The following YBX2 variants were observed in gnomAD, a reference collection of about 807,000 sequenced individuals.
YBX2 encodes Y-box binding protein 2.
Under a neutral mutation model 44.4 loss-of-function variants are expected in YBX2, and 5 were observed. The observed-to-expected ratio is 0.11, with a 90% confidence interval of 0.06 to 0.24. YBX2 has a LOEUF of 0.24. YBX2 is among the 10% of genes least tolerant of loss of function. YBX2 has a pLI of 1.00. For synonymous variants in YBX2, 188 were observed against 216.1 expected (o/e 0.87, Z 1.14); for missense variants, 417 against 526.9 (o/e 0.79, Z 2.04).
At position 7,294,057 on chromosome 17, in the gene YBX2, G is replaced by C. The variant is rs1017129158; in HGVS notation, c.271+173C>G. 9 of 736,232 alleles carry C rather than the reference G, an allele frequency of 1.2e-5. No homozygotes were observed. The highest frequency in any genetic ancestry group is 4.1e-5 in the Admixed American group (1 of 24,414). 45.6% of individuals were successfully genotyped at this position (736,232 alleles called of 1,614,324 possible). A position where few individuals can be genotyped will look rare whatever the true frequency, so the allele number is the denominator to read the frequency against. On this transcript the variant is annotated intron_variant, in intron 1 of 8. Transcript: ENST00000007699. This position sits in a 1 kb window ranked among gnomAD's most constrained non-coding sequence, Gnocchi z 4.6. ...CCCGCCCTCTCTCCCAGGAAGGTAC[G>C]GCAGGATTTCCCACCAGGGGAATCC...
intron 8 of YBX2, 49 bp downstream of exon 8, chr17:7,288,700 C>A: frequency 6.7e-7 from 1 of 1,495,106 alleles, no homozygotes. Context: ...TCATCGCCAC[C>A]CAGTACCTCA....
In YBX2 at chr17:7,288,806, G is replaced by C; in HGVS notation, c.1077C>G (p.Thr359=). Residue 359 remains threonine (T), a synonymous_variant, in exon 8 of 9, where the codon ACC becomes ACG. Coordinates refer to ENST00000007699, the MANE Select transcript of YBX2 (RefSeq NM_015982.4). The part of the protein sequence containing the change: ...TSAPVNSGDP[T]TTILE Reference sequence around the variant, plus strand: ...GTTGGAATCACTCCAGGATGGTGGTGGTGGGGTCCCCACTGTTGACAGGGG... The same window carrying C: ...GTTGGAATCACTCCAGGATGGTGGTCGTGGGGTCCCCACTGTTGACAGGGG... 1 of 1,614,050 alleles carries C rather than the reference G, an allele frequency of 6.2e-7. No individual in the cohort carries two copies. Among genetic ancestry groups the C allele is most frequent in the Non-Finnish European group, 8.5e-7 (1 of 1,179,946 alleles).
Position 7,290,298 on chromosome 17 carries a change from G to A in YBX2, c.697C>T (p.Arg233Trp), listed in dbSNP as rs1269226333. ...WCPPPFFYRR[R>W]FVRGPRPPNQ... ...GGAGGCCGGGGGCCTCGCACAAACC[G>A]CCGTCGGTAGAAGAAGGGTGGGGGG... The change falls in exon 5 of 9, where the codon CGG becomes TGG. Residue 233 changes from arginine (R) to tryptophan (W), a missense_variant. Around this residue, in one of 3 missense-constraint regions of YBX2, gnomAD observed 257 missense variants for 261.7 expected, o/e 0.98. Coordinates refer to ENST00000007699, the MANE Select transcript of YBX2 (RefSeq NM_015982.4). The A allele has an allele frequency of 7.4e-6, 12 of 1,613,564 alleles. No individual in the cohort carries two copies. Among genetic ancestry groups the A allele is most frequent in the African/African-American group, 1.3e-5 (1 of 74,952 alleles).
Position 7,291,867 on chromosome 17 carries a change from C to CA in YBX2, c.369+158dup, listed in dbSNP as rs2072503826. ...TTCTGACGGACGTTTAGTAACCCAG[C>CA]ACAAGTGCGGCTAATGGTGGTTGAC... On this transcript the variant is annotated intron_variant, in intron 3 of 8. Transcript: ENST00000007699. The surrounding 1 kb of genome is among the most constrained non-coding windows in gnomAD (Gnocchi z 5.8). The CA allele has an allele frequency of 3.4e-6, 3 of 882,162 alleles. No homozygotes were observed. The highest frequency in any genetic ancestry group is 5.5e-6 in the Non-Finnish European group (3 of 543,046). 54.6% of individuals were successfully genotyped at this position (882,162 alleles called of 1,614,324 possible).
chr17:7,294,277 C>A lies in YBX2; in HGVS notation c.224G>T (p.Gly75Val). ...ACTCCGGGCCGGGGGGGCGGGGGTT[C>A]CCGAGACCGCCGTCGCCGGATTGCC... ...TPGNPATAVS[G>V]TPAPPARSQA... The change falls in exon 1 of 9, where the codon GGA becomes GTA. Residue 75 changes from glycine (G) to valine (V), a missense_variant. By Grantham distance (109) the Gly-to-Val change is moderately radical (BLOSUM62 -3). Coordinates refer to ENST00000007699, the MANE Select transcript of YBX2 (RefSeq NM_015982.4). The surrounding 1 kb of genome is among the most constrained non-coding windows in gnomAD (Gnocchi z 4.6). The A allele has an allele frequency of 1.6e-6, 2 of 1,276,128 alleles. No individual in the cohort carries two copies. Among genetic ancestry groups the A allele is most frequent in the Non-Finnish European group, 2.0e-6 (2 of 1,017,744 alleles). The allele number at this position is 1,276,128 out of a possible 1,614,324, so 79.1% of individuals were successfully genotyped here.
chr17:7,288,522 C>G lies in YBX2; in HGVS notation c.*161G>C. On this transcript the variant is annotated 3_prime_UTR_variant, in exon 9 of 9. Coordinates refer to ENST00000007699, the MANE Select transcript of YBX2 (RefSeq NM_015982.4). The stretch of plus-strand genomic sequence containing the variant: ...AAAAAGAAAAAGCAAAAGGCTGCTG[C>G]TTTGGTCCTCCTGAGTCTCAAGGAA... 1 of 459,724 alleles carries G rather than the reference C, an allele frequency of 2.2e-6. No homozygotes were observed. Among genetic ancestry groups the G allele is most frequent in the Non-Finnish European group, 4.0e-6 (1 of 250,306 alleles). 28.5% of individuals were successfully genotyped at this position (459,724 alleles called of 1,614,324 possible).
Position 7,294,309 on chromosome 17 carries a change from G to A in YBX2, c.192C>T (p.Arg64=), listed in dbSNP as rs889853074. The A allele has an allele frequency of 2.8e-5, 36 of 1,280,620 alleles. No individual in the cohort carries two copies. Among genetic ancestry groups the A allele is most frequent in the Admixed American group, 8.4e-5 (2 of 23,758 alleles). The allele number at this position is 1,280,620 out of a possible 1,614,324, so 79.3% of individuals were successfully genotyped here. Residue 64 remains arginine (R), a synonymous_variant, in exon 1 of 9, where the codon CGC becomes CGT. Coordinates refer to ENST00000007699, the MANE Select transcript of YBX2 (RefSeq NM_015982.4). This position sits in a 1 kb window ranked among gnomAD's most constrained non-coding sequence, Gnocchi z 4.6. Reference sequence around the variant, plus strand: ...CCGCCGTCGCCGGATTGCCAGGGGTGCGGGAGCCCGGCGCCGAGGGGGTCC... The same window carrying A: ...CCGCCGTCGCCGGATTGCCAGGGGTACGGGAGCCCGGCGCCGAGGGGGTCC... ...AAGTPSAPGS[R]TPGNPATAVS...
intron 2 of YBX2, chr17:7,292,346 G>A: frequency 2.3e-6 from 1 of 442,798 alleles, no homozygotes; most frequent in Non-Finnish European, 4.2e-6. Context: ...CTCTGCCCCT[G>A]CCGGGACTCC....
chr17:7,291,352 C>G lies in YBX2; in HGVS notation c.370-170G>C. ...TTTAGCAGGGGAAAAGTCCTGAACTCAGGGCCTCAGCAGATTGTGCAGTTA... is the reference window on the plus strand; with the variant it reads ...TTTAGCAGGGGAAAAGTCCTGAACTGAGGGCCTCAGCAGATTGTGCAGTTA... On this transcript the variant is annotated intron_variant, in intron 3 of 8. Transcript: ENST00000007699. This position sits in a 1 kb window ranked among gnomAD's most constrained non-coding sequence, Gnocchi z 5.8. The G allele has an allele frequency of 7.3e-6, 5 of 682,850 alleles. No individual in the cohort carries two copies. In the East Asian group the frequency reaches 1.4e-4, roughly 19 times the overall value. 42.3% of individuals were successfully genotyped at this position (682,850 alleles called of 1,614,324 possible).
chr17:7,290,417 G>C lies in YBX2; in HGVS notation c.578C>G (p.Pro193Arg). 2 of 1,614,118 alleles carry C rather than the reference G, an allele frequency of 1.2e-6. No homozygotes were observed. The highest frequency in any genetic ancestry group is 1.7e-6 in the Non-Finnish European group (2 of 1,180,026). The change falls in exon 5 of 9, where the codon CCA becomes CGA. Residue 193 changes from proline (P) to arginine (R), a missense_variant. By Grantham distance (103) the Pro-to-Arg change is moderately radical. Around this residue, in one of 3 missense-constraint regions of YBX2, gnomAD observed 257 missense variants for 261.7 expected, o/e 0.98. Coordinates refer to ENST00000007699, the MANE Select transcript of YBX2 (RefSeq NM_015982.4). Reference sequence around the variant, plus strand: ...CGAGGGGATCTCTGCCACCATGGGTGGTGGGGCAACTGAGGGAGGCCGGGG... The same window carrying C: ...CGAGGGGATCTCTGCCACCATGGGTCGTGGGGCAACTGAGGGAGGCCGGGG... ...FIPRPPSVAP[P>R]PMVAEIPSAG... is the part of the protein sequence containing the mutation.
At chr17:7,290,710 G>C in intron 4 of YBX2, 175 bp from the exon 5 acceptor site, 2 of 771,600 alleles carry the variant, frequency 2.6e-6, no homozygotes, top group East Asian at 2.7e-5. Flanking sequence ...ATTTGGGAAG[G>C]AGCAACATGT....
rs1330761550 is a variant in YBX2, at chr17:7,294,484, G to A, written c.17C>T (p.Ala6Val). 6.8e-7 allele frequency: 1 copy of A among 1,470,962 alleles called. No homozygotes were observed. Among genetic ancestry groups the A allele is most frequent in the Non-Finnish European group, 9.0e-7 (1 of 1,113,562 alleles). The allele number at this position is 1,470,962 out of a possible 1,614,324, so 91.1% of individuals were successfully genotyped here. The part of the protein sequence containing the change: MSEVE[A>V]AAGATAVPAA... Reference sequence around the variant, plus strand: ...GGGGACCGCTGTAGCCCCCGCTGCCGCCTCCACCTCGCTCATCCCGCCGGG... The same window carrying A: ...GGGGACCGCTGTAGCCCCCGCTGCCACCTCCACCTCGCTCATCCCGCCGGG... Residue 6 changes from alanine to valine, a missense_variant, in exon 1 of 9, where the codon GCG (alanine) becomes GTG (valine). Around this residue, in one of 3 missense-constraint regions of YBX2, gnomAD observed 121 missense variants for 141.3 expected, o/e 0.86. Transcript: ENST00000007699. The surrounding 1 kb of genome is among the most constrained non-coding windows in gnomAD (Gnocchi z 4.6).
chr17:7,288,898 C>CAG lies in YBX2; in HGVS notation c.1045-61_1045-60insCT. On this transcript the variant is annotated intron_variant, in intron 7 of 8. Transcript: ENST00000007699. ...TTTTTGTTTTTGAGACAGAGTCTCACTCCAGGTTGGATGGAGTACAGTGGC... is the reference window on the plus strand; with the variant it reads ...TTTTTGTTTTTGAGACAGAGTCTCACAGTCCAGGTTGGATGGAGTACAGTGGC... 1.9e-6 allele frequency: 3 copies of CAG among 1,597,314 alleles called. No individual in the cohort carries two copies. The South Asian group carries it at 3.3e-5, about 18-fold the overall frequency.
chr17:7,290,609 C>T, intron 4 of YBX2, 74 bp from the exon 5 acceptor site: 2 of 1,536,980 alleles, frequency 1.3e-6, no homozygotes, highest in Non-Finnish European at 1.8e-6. Context: ...GCTTCCCCTT[C>T]TTTCAGGGGA....
chr17:7,289,984 GGAATCT>G lies in YBX2; in HGVS notation c.826_831del (p.Phe277_Arg278del). Reference sequence around the variant, plus strand: ...GGGTCTTACCTTCGGTACCTGGGCCGGAATCTGGGCGGGGGGACTCGCTCATCTCCC... The same window carrying G: ...GGGTCTTACCTTCGGTACCTGGGCCGGGGCGGGGGGACTCGCTCATCTCCC... On this transcript the variant is annotated inframe_deletion, in exon 6 of 9. Transcript: ENST00000007699. 1 of 1,614,240 alleles carries G rather than the reference GGAATCT, an allele frequency of 6.2e-7. No individual in the cohort carries two copies. The highest frequency in any genetic ancestry group is 1.1e-5 in the South Asian group (1 of 91,086).
chr17:7,288,706 C>T lies in YBX2; in HGVS notation c.*39+43G>A, dbSNP rs180915454. On this transcript the variant is annotated intron_variant, in intron 8 of 8. Transcript: ENST00000007699. ...AGCGACTTGTCATCGCCACCCAGTA[C>T]CTCACCTTCCTGGCCACCCACCCAA... The T allele has an allele frequency of 5.2e-3, 7,996 of 1,534,714 alleles. 40 individuals are homozygous for T. The highest frequency in any genetic ancestry group is 0.029 in the Middle Eastern group (173 of 5,908).
intron 1 of YBX2, chr17:7,293,862 G>A: frequency 1.9e-6 from 1 of 530,392 alleles, no homozygotes. Context: ...GGTCATAACT[G>A]AGGGTTTTTC....
intron 2 of YBX2, chr17:7,293,269 T>A (rs546668434): frequency 2.6e-5 from 22 of 839,466 alleles, no homozygotes; most frequent in Middle Eastern, 2.5e-4. Context: ...GAATCATTAA[T>A]CCTCCGCTAC....
At position 7,291,524 on chromosome 17, in the gene YBX2, C is replaced by A. The variant is rs1402694263; in HGVS notation, c.370-342G>T. On this transcript the variant is annotated intron_variant, in intron 3 of 8. Transcript: ENST00000007699. This position sits in a 1 kb window ranked among gnomAD's most constrained non-coding sequence, Gnocchi z 5.8. ...CGCAAAGTGGGTAGAATGCACTGTG[C>A]TTCTTACCTCAGTCCCAGTGAGAGC... 2.4e-6 allele frequency: 1 copy of A among 410,562 alleles called. No homozygotes were observed. The highest frequency in any genetic ancestry group is 4.6e-6 in the Non-Finnish European group (1 of 217,864). 25.4% of individuals were successfully genotyped at this position (410,562 alleles called of 1,614,324 possible). A position where few individuals can be genotyped will look rare whatever the true frequency, so the allele number is the denominator to read the frequency against.
Sources: gnomAD v4.1 joint callset for allele counts on GRCh38, gnomAD v4.1.1 for gene constraint, gnomAD v4.1.1 regional missense constraint, Gnocchi (gnomAD v3.1) non-coding constraint, MANE v1.5 for transcripts, NCBI Gene and HGNC (gene_info 2026-07-23, HGNC 2026-07-21) for gene names.